MSX2: variants seen among roughly 807,000 people sequenced by gnomAD.
MSX2 encodes msh homeobox 2, also known as homeobox protein MSX-2.
A neutral mutation model predicts 18.4 loss-of-function variants in MSX2; 10 were observed. The ratio of observed to expected loss-of-function variants is 0.54; its 90% confidence interval spans 0.34 to 0.92. MSX2 has a LOEUF of 0.92. Ranked by LOEUF, MSX2 falls within the 40% of genes least tolerant of loss-of-function variation. MSX2 has a pLI of 0.02. For missense variants in MSX2, 339 were observed against 364.0 expected (o/e 0.93, Z 0.56); for synonymous variants, 170 against 165.6 (o/e 1.03, Z -0.20).
Position 174,724,639 on chromosome 5 carries a change from G to A in MSX2, c.-21G>A. 1 of 1,576,796 alleles carries A rather than the reference G, an allele frequency of 6.3e-7. No homozygotes were observed. Among genetic ancestry groups the A allele is most frequent in the South Asian group, 1.2e-5 (1 of 86,584 alleles). On this transcript the variant is annotated 5_prime_UTR_variant, in exon 1 of 2. Coordinates refer to ENST00000239243, the MANE Select transcript of MSX2 (RefSeq NM_002449.5). ...TTGCCAGCGGAGTCGCGCGTCGGGAGCTACGTAGGGCAGAGAAGTCATGGC... is the reference window on the plus strand; with the variant it reads ...TTGCCAGCGGAGTCGCGCGTCGGGAACTACGTAGGGCAGAGAAGTCATGGC...
At chr5:174,725,409 G>A (rs1441696807) in intron 1 of MSX2, among the ~76,000 whole-genome samples, 1 of 152,210 alleles carries the variant, frequency 6.6e-6, no homozygotes, top group Non-Finnish European at 1.5e-5. Flanking sequence ...CGGAGTCTCT[G>A]CCTGGGGAGT....
chr5:174,728,526 G>A (rs1421808592), intron 1 of MSX2, among the ~76,000 whole-genome samples: 1 of 152,156 alleles, frequency 6.6e-6, no homozygotes, highest in East Asian at 1.9e-4. Context: ...ATATGCTGAC[G>A]CAATCCACTT....
At chr5:174,726,298 C>G (rs1760795742) in intron 1 of MSX2, among the ~76,000 whole-genome samples, 1 of 152,132 alleles carries the variant, frequency 6.6e-6, no homozygotes, top group Non-Finnish European at 1.5e-5. Flanking sequence ...TTACATCATT[C>G]AGCCCTCAAG....
rs752218690 is a variant in MSX2 at position 174,729,280 on chromosome 5, C to T, written c.501C>T (p.Leu167=). 6.2e-7 allele frequency: 1 copy of T among 1,614,066 alleles called. No homozygotes were observed. Among genetic ancestry groups the T allele is most frequent in the Admixed American group, 1.7e-5 (1 of 59,996 alleles). The change falls in exon 2 of 2, where the codon CTC becomes CTT. Residue 167 remains leucine (L), a synonymous_variant. Coordinates refer to ENST00000239243, the MANE Select transcript of MSX2 (RefSeq NM_002449.5). ...GCAAGTTCCGTCAGAAACAGTACCT[C>T]TCCATTGCAGAGCGTGCAGAGTTCT... ...LERKFRQKQY[L]SIAERAEFSS...
At chr5:174,725,505 C>T (rs1324509311) in intron 1 of MSX2, among the ~76,000 whole-genome samples, 1 of 152,072 alleles carries the variant, frequency 6.6e-6, no homozygotes, top group African/African-American at 2.4e-5. Flanking sequence ...GTTGTGCCCC[C>T]ATTTTAAAGA....
At position 174,730,455 on chromosome 5, in the gene MSX2, A is replaced by C. The variant is rs1760904656; in HGVS notation, c.*872A>C. 6.6e-6 allele frequency: 1 copy of C among 152,498 alleles called. No homozygotes were observed. The highest frequency in any genetic ancestry group is 1.5e-5 in the Non-Finnish European group (1 of 68,044). The allele number at this position is 152,498 out of a possible 1,614,324, so 9.4% of individuals were successfully genotyped here. A position where few individuals can be genotyped will look rare whatever the true frequency, so the allele number is the denominator to read the frequency against. On this transcript the variant is annotated 3_prime_UTR_variant, in exon 2 of 2. Coordinates refer to ENST00000239243, the MANE Select transcript of MSX2 (RefSeq NM_002449.5). ...ATGGTTTCTGAGAAATACTAGGTACATTCATCCTCACAGATTGCAAAGGTG... is the reference window on the plus strand; with the variant it reads ...ATGGTTTCTGAGAAATACTAGGTACCTTCATCCTCACAGATTGCAAAGGTG...
chr5:174,729,776 CT>C lies in MSX2; in HGVS notation c.*195del. ...AGGCGGAGGCACCAAGCCCTGTTTT[CT>C]TGGTGTAATCTTCCAGATGCCCCCT... On this transcript the variant is annotated 3_prime_UTR_variant, in exon 2 of 2. Coordinates refer to ENST00000239243, the MANE Select transcript of MSX2 (RefSeq NM_002449.5). 1 of 558,654 alleles carries C rather than the reference CT, an allele frequency of 1.8e-6. No individual in the cohort carries two copies. The highest frequency in any genetic ancestry group is 3.2e-6 in the Non-Finnish European group (1 of 314,968). 34.6% of individuals were successfully genotyped at this position (558,654 alleles called of 1,614,324 possible).
intron 1 of MSX2, among the ~76,000 whole-genome samples, chr5:174,726,782 T>G (rs923216958): frequency 1.3e-5 from 2 of 152,086 alleles, no homozygotes; most frequent in Non-Finnish European, 2.9e-5. Flanking sequence ...AAATATTGAG[T>G]ACATAGCCTA....
intron 1 of MSX2, 151 bp downstream of exon 1, chr5:174,725,189 C>T: frequency 5.5e-6 from 7 of 1,271,938 alleles, no homozygotes; most frequent in Non-Finnish European, 7.4e-6. Context: ...CCTGGGTGCC[C>T]GGGGCGTTCG....
intron 1 of MSX2, 76 bp from the exon 2 acceptor site, chr5:174,729,083 G>A (rs999647403): frequency 2.4e-4 from 351 of 1,450,126 alleles, no homozygotes; most frequent in Non-Finnish European, 3.3e-4. Context: ...GAGAGATGAC[G>A]GGGGAGATGG....
At chr5:174,728,624 A>C (rs2113497541) in intron 1 of MSX2, among the ~76,000 whole-genome samples, 1 of 152,332 alleles carries the variant, frequency 6.6e-6, no homozygotes, top group East Asian at 1.9e-4. Context: ...GATTGTCTCC[A>C]TGTCCAAGGG....
rs1457912285 is a variant in MSX2 at position 174,730,082 on chromosome 5, A to G, written c.*499A>G. On this transcript the variant is annotated 3_prime_UTR_variant, in exon 2 of 2. Transcript: ENST00000239243. Reference sequence around the variant, plus strand: ...TGACTTCTGCTTATGGAAAACAAAGAAACAGACACAATGCACACAGAAAAT... The same window carrying G: ...TGACTTCTGCTTATGGAAAACAAAGGAACAGACACAATGCACACAGAAAAT... The G allele has an allele frequency of 6.6e-6, 1 of 152,136 alleles. No homozygotes were observed. The highest frequency in any genetic ancestry group is 2.4e-5 in the African/African-American group (1 of 41,412). 9.4% of individuals were successfully genotyped at this position (152,136 alleles called of 1,614,324 possible).
At chr5:174,727,069 AC>A (rs1760817924) in intron 1 of MSX2, among the ~76,000 whole-genome samples, 1 of 107,786 alleles carries the variant, frequency 9.3e-6, no homozygotes, top group African/African-American at 2.6e-5. Context: ...AAACAAAAAA[AC>A]AAAAAAAAAA....
In MSX2 at chr5:174,724,710, C is replaced by T; in HGVS notation, c.51C>T (p.Gly17=). ...GNDLFSPDEE[G]PAVVAGPGPG... Reference sequence around the variant, plus strand: ...ACTTGTTTTCGCCCGACGAGGAGGGCCCAGCAGTGGTGGCCGGACCAGGCC... The same window carrying T: ...ACTTGTTTTCGCCCGACGAGGAGGGTCCAGCAGTGGTGGCCGGACCAGGCC... The change falls in exon 1 of 2, where the codon GGC becomes GGT. Residue 17 remains glycine (G), a synonymous_variant. Coordinates refer to ENST00000239243, the MANE Select transcript of MSX2 (RefSeq NM_002449.5). 1 of 1,595,042 alleles carries T rather than the reference C, an allele frequency of 6.3e-7. No individual in the cohort carries two copies. The highest frequency in any genetic ancestry group is 8.5e-7 in the Non-Finnish European group (1 of 1,171,780).
rs1275399583 is a variant in MSX2 at position 174,730,134 on chromosome 5, T to G, written c.*551T>G. The G allele has an allele frequency of 6.6e-6, 1 of 152,160 alleles. No homozygotes were observed. The highest frequency in any genetic ancestry group is 1.5e-5 in the Non-Finnish European group (1 of 68,062). 9.4% of individuals were successfully genotyped at this position (152,160 alleles called of 1,614,324 possible). ...TTAGATATGGAGAGATTATTCAAAG[T>G]GAAGGGGACACATCATATTTCTGCA... On this transcript the variant is annotated 3_prime_UTR_variant, in exon 2 of 2. Coordinates refer to ENST00000239243, the MANE Select transcript of MSX2 (RefSeq NM_002449.5).
intron 1 of MSX2, among the ~76,000 whole-genome samples, chr5:174,726,586 C>CAA (rs34068914): frequency 0.01 from 954 of 92,974 alleles, 18 homozygotes; most frequent in East Asian, 0.041. Flanking sequence ...TGGGCCTGAC[C>CAA]AAAAAAAAAA....
intron 1 of MSX2, 131 bp downstream of exon 1, chr5:174,725,169 C>T (rs1164837628): frequency 4.3e-6 from 6 of 1,382,704 alleles, no homozygotes; most frequent in African/African-American, 1.5e-5. Context: ...AAGCCCAGGG[C>T]CTCTGGACTC....
chr5:174,729,318 A>G lies in MSX2; in HGVS notation c.539A>G (p.Asn180Ser), dbSNP rs1195373061. ...AERAEFSSSL[N>S]LTETQVKIWF... ...CGTGCAGAGTTCTCCAGCTCTCTGAACCTCACAGAGACCCAGGTCAAAATC... is the reference window on the plus strand; with the variant it reads ...CGTGCAGAGTTCTCCAGCTCTCTGAGCCTCACAGAGACCCAGGTCAAAATC... The change falls in exon 2 of 2, where the codon AAC becomes AGC. Residue 180 changes from asparagine (N) to serine (S), a missense_variant. Transcript: ENST00000239243. 2.5e-6 allele frequency: 4 copies of G among 1,614,052 alleles called. No homozygotes were observed. In the African/African-American group the frequency reaches 5.3e-5, roughly 22 times the overall value.
chr5:174,724,921 G>T lies in MSX2; in HGVS notation c.262G>T (p.Glu88Ter). The T allele has an allele frequency of 1.3e-6, 2 of 1,579,578 alleles. No individual in the cohort carries two copies. Among genetic ancestry groups the T allele is most frequent in the Non-Finnish European group, 1.7e-6 (2 of 1,164,956 alleles). ...GCTGCTGTCGGGGCACGGCGCTCGG[G>T]AAGCGCACAGCCCCGGGCCGCTGGT... ...PLLLSGHGAR[E>*]AHSPGPLVKP... is the part of the protein sequence containing the mutation. Residue 88 changes from glutamate (E) to a stop codon, truncating the protein, a stop_gained, in exon 1 of 2, where the codon GAA (glutamate) becomes TAA (stop). Coordinates refer to ENST00000239243, the MANE Select transcript of MSX2 (RefSeq NM_002449.5). LOFTEE classifies it high-confidence loss of function.
Sources: allele counts gnomAD v4.1 joint callset (sites outside exome capture counted in the v4.1 genomes callset), GRCh38; gene constraint gnomAD v4.1.1; transcripts MANE v1.5; gene names NCBI Gene and HGNC (gene_info 2026-07-23, HGNC 2026-07-21).